RIMS1: variants seen among roughly 807,000 people sequenced by gnomAD.
RIMS1 encodes the protein regulating synaptic membrane exocytosis protein 1.
RIMS1 carries 83 observed loss-of-function variants against 214.1 expected under a neutral mutation model. That is an observed-to-expected ratio of 0.39 (90% CI 0.32 to 0.47). The LOEUF is 0.47. Among genes scored for constraint, RIMS1 ranks in the 20% least tolerant of loss-of-function variants. RIMS1 has a pLI of 0.99. For synonymous variants in RIMS1, 793 were observed against 786.8 expected (o/e 1.01, Z -0.13); for missense variants, 2,050 against 2,161.8 (o/e 0.95, Z 1.03).
chr6:72,262,499 T>A, intron 19 of RIMS1: 1 of 985,344 alleles, frequency 1.0e-6, no homozygotes, highest in Non-Finnish European at 1.2e-6. Context: ...GCGAAACATA[T>A]GTCACCAGTG....
intron 29 of RIMS1, among the ~76,000 whole-genome samples, chr6:72,349,785 A>G (rs2154368200): frequency 6.6e-6 from 1 of 152,220 alleles, no homozygotes; most frequent in Non-Finnish European, 1.5e-5. Context: ...TATAGTTTCT[A>G]CCTTGGGAAG....
intron 2 of RIMS1, among the ~76,000 whole-genome samples, chr6:72,061,537 G>T (rs1022123633): frequency 1.3e-5 from 2 of 152,188 alleles, no homozygotes; most frequent in Non-Finnish European, 2.9e-5. Context: ...TGCATTACGC[G>T]CTTTCTGACT....
In RIMS1 at chr6:72,097,024, C is replaced by T. The variant is rs1408660383; in HGVS notation, c.321C>T (p.Gly107=). ...GGGAAGAAGCGCGGCGTTACCAGGG[C>T]GAGCACAAAGACGATGCTCCGACTT... ...KIGEEARRYQ[G]EHKDDAPTCG... Residue 107 remains glycine, a synonymous_variant, in exon 3 of 34, where the codon GGC becomes GGT. Coordinates refer to ENST00000521978, the MANE Select transcript of RIMS1 (RefSeq NM_014989.7). 6.2e-6 allele frequency: 10 copies of T among 1,613,906 alleles called. No homozygotes were observed. Among genetic ancestry groups the T allele is most frequent in the South Asian group, 2.2e-5 (2 of 91,066 alleles).
At chr6:72,125,672 ACTACT>A (rs1247666075) in intron 4 of RIMS1, among the ~76,000 whole-genome samples, 3 of 152,124 alleles carry the variant, frequency 2.0e-5, no homozygotes, top group Admixed American at 2.0e-4. Context: ...GCTTTGTTTA[ACTACT>A]CAAGCCTCAG....
intron 29 of RIMS1, among the ~76,000 whole-genome samples, chr6:72,361,329 C>T (rs2097817716): frequency 6.6e-6 from 1 of 151,716 alleles, no homozygotes; most frequent in Admixed American, 6.6e-5. Context: ...TGGTCTCGAA[C>T]TCCTGACTTC....
intron 24 of RIMS1, among the ~76,000 whole-genome samples, 195 bp from the exon 25 acceptor site, chr6:72,290,484 A>G (rs1427214440): frequency 6.6e-6 from 1 of 152,168 alleles, no homozygotes; most frequent in Non-Finnish European, 1.5e-5. Context: ...GTCTTTAAAA[A>G]CCACATGGCG....
chr6:72,257,525 T>G (rs2076388328), intron 16 of RIMS1, among the ~76,000 whole-genome samples: 1 of 152,142 alleles, frequency 6.6e-6, no homozygotes, highest in Non-Finnish European at 1.5e-5. Flanking sequence ...GATAGTCATC[T>G]TCAGTCATAT....
chr6:72,312,954 T>C (rs781455975), intron 27 of RIMS1, among the ~76,000 whole-genome samples: 3 of 152,126 alleles, frequency 2.0e-5, no homozygotes, highest in Non-Finnish European at 4.4e-5. Flanking sequence ...CATATTTTGG[T>C]ATATTTTTTC....
chr6:71,979,621 A>T (rs1562016790), intron 2 of RIMS1, among the ~76,000 whole-genome samples: 4 of 152,020 alleles, frequency 2.6e-5, no homozygotes, highest in African/African-American at 9.7e-5. Flanking sequence ...TTTGAGAATA[A>T]TTTTTTTGGT....
intron 4 of RIMS1, among the ~76,000 whole-genome samples, chr6:72,145,130 A>C (rs2042574099): frequency 6.6e-6 from 1 of 152,208 alleles, no homozygotes. Context: ...AAAGTGCAGC[A>C]AAAATAATTA....
chr6:72,063,864 T>A (rs1159829960), intron 2 of RIMS1, among the ~76,000 whole-genome samples: 1 of 152,200 alleles, frequency 6.6e-6, no homozygotes, highest in Non-Finnish European at 1.5e-5. Flanking sequence ...AAGCAAGAAG[T>A]CTGGGATTGA....
intron 24 of RIMS1, among the ~76,000 whole-genome samples, chr6:72,285,600 A>T (rs140856230): frequency 6.6e-6 from 1 of 152,266 alleles, no homozygotes; most frequent in Non-Finnish European, 1.5e-5. Context: ...GATACAGGGG[A>T]CTCATGAAAA....
chr6:72,003,244 GCCTTAGTTCT>G (rs1382962918), intron 2 of RIMS1, among the ~76,000 whole-genome samples: 2 of 152,052 alleles, frequency 1.3e-5, no homozygotes, highest in African/African-American at 4.8e-5. Context: ...CTCTTTTCTT[GCCTTAGTTCT>G]CCTTAATATT....
At chr6:72,093,807 CT>C (rs1222384914) in intron 2 of RIMS1, among the ~76,000 whole-genome samples, 3 of 152,030 alleles carry the variant, frequency 2.0e-5, no homozygotes, top group Non-Finnish European at 2.9e-5. Flanking sequence ...ATATCATACA[CT>C]CTATTTCAAT....
At chr6:72,364,136 A>C (rs1188872797) in intron 29 of RIMS1, among the ~76,000 whole-genome samples, 1 of 152,202 alleles carries the variant, frequency 6.6e-6, no homozygotes, top group South Asian at 2.1e-4. Flanking sequence ...CTATTAAAAT[A>C]ACTCTATTCT....
At chr6:72,213,267 G>C (rs1180716474) in intron 6 of RIMS1, 1 of 1,487,548 alleles carries the variant, frequency 6.7e-7, no homozygotes, top group South Asian at 1.3e-5. Flanking sequence ...TGTCCCAGTT[G>C]TACCTAAATC....
chr6:72,279,161 A>G (rs181887849), intron 23 of RIMS1, among the ~76,000 whole-genome samples: 143 of 152,140 alleles, frequency 9.4e-4, no homozygotes, highest in African/African-American at 3.2e-3. Flanking sequence ...ACGTCTTTAG[A>G]GAGTTACCCT....
intron 4 of RIMS1, among the ~76,000 whole-genome samples, chr6:72,152,022 A>T (rs1419334602): frequency 6.6e-6 from 1 of 152,096 alleles, no homozygotes; most frequent in Admixed American, 6.5e-5. Flanking sequence ...ACTCATAAGG[A>T]GGACTCGCTG....
intron 2 of RIMS1, among the ~76,000 whole-genome samples, chr6:71,976,983 A>C (rs1251891752): frequency 6.6e-6 from 1 of 152,124 alleles, no homozygotes; most frequent in Non-Finnish European, 1.5e-5. Context: ...TTTCTCTATG[A>C]CTTTAAGCTC....
Sources: gnomAD v4.1 joint callset for allele counts (sites outside exome capture counted in the v4.1 genomes callset) on GRCh38, gnomAD v4.1.1 for gene constraint, MANE v1.5 for transcripts, NCBI Gene and HGNC (gene_info 2026-07-23, HGNC 2026-07-21) for gene names.